Variants in ZDHHC15 observed in about 807,000 individuals in gnomAD.
ZDHHC15 encodes the protein palmitoyltransferase ZDHHC15.
Under a neutral mutation model 31.7 loss-of-function variants are expected in ZDHHC15, and 19 were observed. The ratio of observed to expected loss-of-function variants is 0.60; its 90% CI spans 0.42 to 0.88. ZDHHC15 has a LOEUF of 0.88. Among genes scored for constraint, ZDHHC15 ranks in the 40% least tolerant of loss-of-function variants. The pLI is 0.00. For missense variants in ZDHHC15, 209 were observed against 251.2 expected (o/e 0.83, Z 1.14); for synonymous variants, 103 against 90.0 (o/e 1.14, Z -0.82).
intron 1 of ZDHHC15, among the ~76,000 whole-genome samples, chrX:75,514,331 G>T (rs944247838): frequency 1.8e-5 from 2 of 112,333 alleles, no homozygotes; most frequent in East Asian, 2.8e-4. Flanking sequence ...GTATAAAGAT[G>T]TAATTTGTGA....
At chrX:75,443,416 T>G (rs1051716788) in intron 4 of ZDHHC15, among the ~76,000 whole-genome samples, 2 of 111,983 alleles carry the variant, frequency 1.8e-5, no homozygotes, top group African/African-American at 6.5e-5. Flanking sequence ...GCTAGCCATA[T>G]GTAGAAAGCT....
At chrX:75,473,805 C>T (rs994549342) in intron 3 of ZDHHC15, among the ~76,000 whole-genome samples, 2 of 111,927 alleles carry the variant, frequency 1.8e-5, no homozygotes, top group Non-Finnish European at 1.9e-5. Flanking sequence ...TACACTCGTA[C>T]TAAGAAAATA....
chrX:75,452,674 A>G (rs2084143939), intron 3 of ZDHHC15, among the ~76,000 whole-genome samples: 1 of 112,116 alleles, frequency 8.9e-6, no homozygotes, highest in Non-Finnish European at 1.9e-5. Context: ...AACAGAAATC[A>G]TAACAAACTG....
intron 4 of ZDHHC15, among the ~76,000 whole-genome samples, chrX:75,434,568 T>C (rs2083825066): frequency 1.8e-5 from 2 of 112,280 alleles, no homozygotes; most frequent in African/African-American, 6.5e-5. Context: ...GCTTGCCAAT[T>C]ATCCCAGCAT....
chrX:75,395,219 G>C (rs1389519159), intron 10 of ZDHHC15, among the ~76,000 whole-genome samples: 1 of 111,275 alleles, frequency 9.0e-6, no homozygotes, highest in South Asian at 3.7e-4. Flanking sequence ...AATCAGATAA[G>C]AGAAAGAAAT....
chrX:75,482,629 C>T (rs1352191523), intron 2 of ZDHHC15, among the ~76,000 whole-genome samples: 2 of 111,584 alleles, frequency 1.8e-5, no homozygotes, highest in Non-Finnish European at 3.8e-5. Context: ...TTGCCAGCCA[C>T]TATGCAAAGC....
chrX:75,373,926 G>GTTTTTTTTTTTTTTTTTTTTTTTT lies in ZDHHC15; in HGVS notation c.*33-982_*33-981insAAAAAAAAAAAAAAAAAAAAAAAA, dbSNP rs35704680. ...ATACTAGGTCTTATTCATTCTTTCTGTTTTTTTTTTTTTTTTTTTTTTGTA... is the reference window on the plus strand; with the variant it reads ...ATACTAGGTCTTATTCATTCTTTCTGTTTTTTTTTTTTTTTTTTTTTTTTTTTTTTTTTTTTTTTTTTTTTTGTA... On this transcript the variant is annotated intron_variant, in intron 11 of 11. Coordinates refer to ENST00000373367, the MANE Select transcript of ZDHHC15 (RefSeq NM_144969.3). Among the ~76,000 whole-genome samples the GTTTTTTTTTTTTTTTTTTTTTTTT allele has an allele frequency of 2.0e-4, 10 of 50,457 alleles. 3 individuals are homozygous for GTTTTTTTTTTTTTTTTTTTTTTTT. The highest frequency in any genetic ancestry group is 2.4e-4 in the Non-Finnish European group (7 of 29,379). The allele number at this position is 50,457 out of a possible 115,157, so 43.8% of individuals were successfully genotyped here. A position where few individuals can be genotyped will look rare whatever the true frequency, so the allele number is the denominator to read the frequency against.
intron 1 of ZDHHC15, among the ~76,000 whole-genome samples, chrX:75,519,121 C>T (rs2085410238): frequency 9.1e-6 from 1 of 109,533 alleles, no homozygotes; most frequent in Admixed American, 9.9e-5. Flanking sequence ...TTTGGAACTA[C>T]ATAGAGGTGA....
chrX:75,454,455 G>C (rs572760999), intron 3 of ZDHHC15, among the ~76,000 whole-genome samples: 1 of 111,848 alleles, frequency 8.9e-6, no homozygotes, highest in South Asian at 3.8e-4. Flanking sequence ...GCCAAGTAAT[G>C]GGATGGCTAG....
At chrX:75,441,340 C>T (rs1022479627) in intron 4 of ZDHHC15, among the ~76,000 whole-genome samples, 2 of 111,653 alleles carry the variant, frequency 1.8e-5, no homozygotes, top group South Asian at 3.8e-4. Flanking sequence ...CCCTGAAGAC[C>T]GTGAGTGCCT....
chrX:75,411,279 G>A (rs1490045991), intron 10 of ZDHHC15, among the ~76,000 whole-genome samples: 2 of 110,311 alleles, frequency 1.8e-5, no homozygotes, highest in Non-Finnish European at 3.8e-5. Flanking sequence ...TGTGATCTCA[G>A]CTCACTGCAA....
chrX:75,431,325 T>C (rs2083777550), intron 5 of ZDHHC15, 126 bp downstream of exon 5: 4 of 586,097 alleles, frequency 6.8e-6, no homozygotes, highest in Non-Finnish European at 1.0e-5. Flanking sequence ...TTTTGGCATA[T>C]GCTCATTATA....
At chrX:75,413,329 T>G in intron 10 of ZDHHC15, among the ~76,000 whole-genome samples, 1 of 112,132 alleles carries the variant, frequency 8.9e-6, no homozygotes, top group East Asian at 2.8e-4. Flanking sequence ...GGCTGTCTCC[T>G]GCAGATTTCC....
At position 75,400,394 on chromosome X, in the gene ZDHHC15, TG is replaced by T. The variant is rs1168154737; in HGVS notation, c.967+16692del. Among the ~76,000 whole-genome samples, 3 of 111,333 alleles carry T rather than the reference TG, an allele frequency of 2.7e-5. No homozygotes were observed. The Admixed American group carries it at 2.9e-4, about 11-fold the overall frequency. On this transcript the variant is annotated intron_variant, in intron 10 of 11. Transcript: ENST00000373367. ...GGAAAGAATCTCAGAACTTGAAGAC[TG>T]GTTCTCTGAAATAAGACAATCAGAG... is the stretch of plus-strand genomic sequence containing the variant.
intron 10 of ZDHHC15, among the ~76,000 whole-genome samples, chrX:75,406,867 A>G (rs2083417340): frequency 8.9e-6 from 1 of 112,315 alleles, no homozygotes; most frequent in African/African-American, 3.2e-5. Flanking sequence ...AAACCAAACA[A>G]GGACACAGTG....
At chrX:75,469,053 CT>C (rs139692885) in intron 3 of ZDHHC15, among the ~76,000 whole-genome samples, 63,671 of 106,343 alleles carry the variant, frequency 0.6, 16,934 homozygotes, top group Non-Finnish European at 0.82. Context: ...GTACAAAAGG[CT>C]TTTTTTTTTA....
chrX:75,493,710 AG>A (rs2084939839), intron 2 of ZDHHC15, among the ~76,000 whole-genome samples: 1 of 112,337 alleles, frequency 8.9e-6, no homozygotes, highest in Non-Finnish European at 1.9e-5. Context: ...GTTGCAGAAA[AG>A]TCCTTTGACA....
Position 75,372,556 on chromosome X carries a change from T to A in ZDHHC15, c.*422A>T, listed in dbSNP as rs1350327374. The A allele has an allele frequency of 9.0e-6, 1 of 111,566 alleles. No individual in the cohort carries two copies. The highest frequency in any genetic ancestry group is 1.9e-5 in the Non-Finnish European group (1 of 53,069). The allele number at this position is 111,566 out of a possible 1,213,427, so 9.2% of individuals were successfully genotyped here. On this transcript the variant is annotated 3_prime_UTR_variant, in exon 12 of 12. Transcript: ENST00000373367. ...ACACGCACACAAGCAGCAAATGTAGTTTGATTCCCTTCAACACCAAAAAGG... is the reference window on the plus strand; with the variant it reads ...ACACGCACACAAGCAGCAAATGTAGATTGATTCCCTTCAACACCAAAAAGG...
At chrX:75,507,787 T>A (rs952404289) in intron 1 of ZDHHC15, among the ~76,000 whole-genome samples, 1 of 111,824 alleles carries the variant, frequency 8.9e-6, no homozygotes, top group Non-Finnish European at 1.9e-5. Context: ...TTATTGACTC[T>A]TTGCAAGTAG....
Sources: allele counts gnomAD v4.1 joint callset (sites outside exome capture counted in the v4.1 genomes callset), GRCh38; gene constraint gnomAD v4.1.1; transcripts MANE v1.5; gene names NCBI Gene and HGNC (gene_info 2026-07-23, HGNC 2026-07-21).